KLHL13: variants seen among roughly 807,000 people sequenced by gnomAD.
KLHL13 encodes the protein kelch like family member 13.
KLHL13 carries 10 observed loss-of-function variants against 37.1 expected under a neutral mutation model. The ratio of observed to expected loss-of-function variants is 0.27; its 90% CI spans 0.17 to 0.46. The LOEUF (loss-of-function observed/expected upper bound fraction) is 0.46. Among genes scored for constraint, KLHL13 ranks in the 20% least tolerant of loss-of-function variants. KLHL13 has a pLI of 1.00. For missense variants in KLHL13, 360 were observed against 509.3 expected (o/e 0.71, Z 2.82); for synonymous variants, 163 against 181.2 (o/e 0.90, Z 0.81).
chrX:118,022,714 T>G (rs1023962420), intron 1 of KLHL13, among the ~76,000 whole-genome samples: 2 of 112,491 alleles, frequency 1.8e-5, no homozygotes, highest in Admixed American at 9.5e-5. Flanking sequence ...TACTGAGTTA[T>G]GTAAGTTATG....
chrX:118,112,785 T>C (rs1016047909), intron 1 of KLHL13, among the ~76,000 whole-genome samples: 1 of 111,734 alleles, frequency 8.9e-6, no homozygotes, highest in Non-Finnish European at 1.9e-5. Flanking sequence ...CAAAGCTGGA[T>C]TGCTTTCAAG....
At chrX:118,071,162 G>T (rs1370950726) in intron 1 of KLHL13, among the ~76,000 whole-genome samples, 1 of 111,831 alleles carries the variant, frequency 8.9e-6, no homozygotes, top group South Asian at 3.7e-4. Flanking sequence ...ATCATTGTTA[G>T]ACATTTGGGT....
intron 1 of KLHL13, among the ~76,000 whole-genome samples, chrX:118,109,486 A>G (rs1170687219): frequency 4.4e-5 from 5 of 112,399 alleles, no homozygotes; most frequent in Non-Finnish European, 9.4e-5. Flanking sequence ...CAGATTTTCT[A>G]TGAATATTGC....
Position 118,005,115 on chromosome X carries a change from G to A in KLHL13, c.-55-59540C>T, listed in dbSNP as rs6646026. Among the ~76,000 whole-genome samples the A allele has an allele frequency of 5.8e-3, 651 of 111,650 alleles. 5 individuals are homozygous for A. The highest frequency in any genetic ancestry group is 0.018 in the African/African-American group (562 of 30,767). On this transcript the variant is annotated intron_variant, in intron 1 of 6. Coordinates refer to the KLHL13 transcript ENST00000371882. ...CTTTTGGGATAACTGGAAAAAATTTGAATGGGCTTTGATTACAATGTATTA... is the reference window on the plus strand; with the variant it reads ...CTTTTGGGATAACTGGAAAAAATTTAAATGGGCTTTGATTACAATGTATTA...
intron 1 of KLHL13, among the ~76,000 whole-genome samples, chrX:118,070,848 T>C (rs1055803588): frequency 9.1e-6 from 1 of 110,046 alleles, no homozygotes; most frequent in Non-Finnish European, 1.9e-5. Flanking sequence ...GCTGGTGCAC[T>C]GCACCCACTA....
chrX:118,113,343 A>G (rs2055433343), intron 1 of KLHL13, among the ~76,000 whole-genome samples: 1 of 112,001 alleles, frequency 8.9e-6, no homozygotes, highest in African/African-American at 3.2e-5. Context: ...AATTTTTTTA[A>G]GCCAATGACC....
intron 1 of KLHL13, among the ~76,000 whole-genome samples, chrX:118,093,633 A>G (rs2055165250): frequency 1.8e-5 from 2 of 112,088 alleles, no homozygotes; most frequent in South Asian, 3.8e-4. Context: ...CAGATTGGAA[A>G]CCAAAACAAA....
chrX:118,072,900 C>G (rs955998306), intron 1 of KLHL13, among the ~76,000 whole-genome samples: 1 of 110,491 alleles, frequency 9.1e-6, no homozygotes, highest in African/African-American at 3.3e-5. Context: ...TTGAGACCAG[C>G]CTGGGAAACA....
At chrX:117,941,486 G>A (rs952953084) in intron 2 of KLHL13, among the ~76,000 whole-genome samples, 1 of 111,429 alleles carries the variant, frequency 9.0e-6, no homozygotes, top group Non-Finnish European at 1.9e-5. Flanking sequence ...TTGGTTGGTA[G>A]GCTATTAATT....
At chrX:118,001,087 G>A (rs7063342) in intron 1 of KLHL13, among the ~76,000 whole-genome samples, 6,017 of 111,753 alleles carry the variant, frequency 0.054, 400 homozygotes, top group African/African-American at 0.18. Flanking sequence ...AATCAATAAA[G>A]TTAGCTTTCT....
chrX:118,000,144 T>C (rs1285385824), intron 1 of KLHL13, among the ~76,000 whole-genome samples: 2 of 111,367 alleles, frequency 1.8e-5, no homozygotes, highest in South Asian at 3.8e-4. Flanking sequence ...TAAGTGCACA[T>C]AGGTATTTAC....
At chrX:118,028,606 A>C in intron 1 of KLHL13, 109 bp from the exon 2 acceptor site, 1 of 403,844 alleles carries the variant, frequency 2.5e-6, no homozygotes, top group Non-Finnish European at 4.3e-6. Context: ...TTAAAGGAAA[A>C]ATGTATGCCC....
intron 1 of KLHL13, among the ~76,000 whole-genome samples, chrX:118,043,044 G>T (rs1428675937): frequency 9.0e-6 from 1 of 110,877 alleles, no homozygotes; most frequent in Non-Finnish European, 1.9e-5. Context: ...AATCAAAGAA[G>T]AAAAAGGAGA....
At chrX:118,076,969 A>G (rs2054936167) in intron 1 of KLHL13, among the ~76,000 whole-genome samples, 1 of 105,246 alleles carries the variant, frequency 9.5e-6, no homozygotes, top group East Asian at 2.9e-4. Context: ...ATAATCTCCT[A>G]ATGGTTCCGT....
chrX:118,062,146 G>C (rs1425828062), intron 1 of KLHL13, among the ~76,000 whole-genome samples: 1 of 110,992 alleles, frequency 9.0e-6, no homozygotes, highest in Admixed American at 9.6e-5. Context: ...TTTCAAAATA[G>C]GAAATATGCT....
At chrX:117,970,191 G>A (rs2147894450) in intron 1 of KLHL13, among the ~76,000 whole-genome samples, 1 of 111,272 alleles carries the variant, frequency 9.0e-6, no homozygotes, top group South Asian at 3.8e-4. Context: ...TTCAGTCTTT[G>A]ACAAAGTACT....
chrX:117,951,413 T>C (rs778271673), intron 1 of KLHL13, among the ~76,000 whole-genome samples: 1 of 111,988 alleles, frequency 8.9e-6, no homozygotes, highest in East Asian at 2.8e-4. Flanking sequence ...GAAAGTAACA[T>C]CTATTAATAA....
intron 1 of KLHL13, among the ~76,000 whole-genome samples, chrX:118,075,652 A>C (rs148724542): frequency 0.017 from 1,918 of 111,503 alleles, 43 homozygotes; most frequent in African/African-American, 0.057. Flanking sequence ...ATTCCCAGTG[A>C]CATGGAATAA....
chrX:118,051,089 G>A (rs748676915), intron 1 of KLHL13, among the ~76,000 whole-genome samples: 1 of 110,031 alleles, frequency 9.1e-6, no homozygotes, highest in South Asian at 3.9e-4. Context: ...CCCATTACAA[G>A]AATGTCAGGT....
Sources: gnomAD v4.1 joint callset for allele counts (sites outside exome capture counted in the v4.1 genomes callset) on GRCh38, gnomAD v4.1.1 for gene constraint, MANE v1.5 for transcripts, NCBI Gene and HGNC (gene_info 2026-07-23, HGNC 2026-07-21) for gene names.